The following ZNF609 variants were observed in gnomAD, a reference collection of about 807,000 sequenced individuals.
ZNF609 encodes zinc finger protein 609.
Under a neutral mutation model 109.5 loss-of-function variants are expected in ZNF609, and 11 were observed. The ratio of observed to expected loss-of-function variants is 0.10; its 90% CI spans 0.06 to 0.17. The LOEUF is 0.17. ZNF609 is among the 10% of genes least tolerant of loss of function. The pLI, the probability that ZNF609 is intolerant of heterozygous loss-of-function variation, is 1.00. For synonymous variants in ZNF609, 646 were observed against 662.0 expected (o/e 0.98, Z 0.37); for missense variants, 1,559 against 1,772.4 (o/e 0.88, Z 2.16).
chr15:64,627,808 C>T (rs1033711302), intron 3 of ZNF609, among the ~76,000 whole-genome samples: 10 of 150,790 alleles, frequency 6.6e-5, no homozygotes, highest in African/African-American at 2.4e-4. Context: ...GCTGAGACTA[C>T]AGGCATGTGC....
chr15:64,683,284 G>C lies in ZNF609; in HGVS notation c.*1598G>C, dbSNP rs1158720563. On this transcript the variant is annotated 3_prime_UTR_variant, in exon 10 of 10. Transcript: ENST00000326648. ...GTGACCAGAGTGCCAAAAGTGACTA[G>C]GAGCAGGAACTTGGCTCCGACTCAG... 1 of 152,622 alleles carries C rather than the reference G, an allele frequency of 6.6e-6. No homozygotes were observed. Among genetic ancestry groups the C allele is most frequent in the African/African-American group, 2.4e-5 (1 of 41,442 alleles). 9.5% of individuals were successfully genotyped at this position (152,622 alleles called of 1,614,324 possible).
intron 2 of ZNF609, among the ~76,000 whole-genome samples, chr15:64,527,320 T>C (rs1461758627): frequency 6.6e-6 from 1 of 151,272 alleles, no homozygotes; most frequent in East Asian, 1.9e-4. Flanking sequence ...TTTTTTTTTT[T>C]TTCTTCTGTA....
chr15:64,499,748 C>T lies in ZNF609; in HGVS notation c.329C>T (p.Thr110Ile), dbSNP rs1482255797. The change falls in exon 2 of 10, where the codon ACT (threonine) becomes ATT (isoleucine). Residue 110 changes from threonine to isoleucine, a missense_variant. Thr to Ile is a moderately conservative substitution (Grantham distance 89). Transcript: ENST00000326648. ...CCCACTCCAGGGACTTCCCTGTTCA[C>T]TCCAAGTGAGGGGGCAGCTAGCAAG... is the stretch of plus-strand genomic sequence containing the variant. The part of the protein sequence containing the change: ...SKPTPGTSLF[T>I]PSEGAASKKE... 6.2e-7 allele frequency: 1 copy of T among 1,614,082 alleles called. No homozygotes were observed.
chr15:64,598,909 TA>T (rs1167887047), intron 2 of ZNF609, among the ~76,000 whole-genome samples: 2 of 150,472 alleles, frequency 1.3e-5, no homozygotes, highest in African/African-American at 2.4e-5. Context: ...CAATACTGCA[TA>T]AAAGTCCCTA....
chr15:64,596,543 C>G (rs1302960814), intron 2 of ZNF609, among the ~76,000 whole-genome samples: 1 of 152,172 alleles, frequency 6.6e-6, no homozygotes, highest in Non-Finnish European at 1.5e-5. Flanking sequence ...ATGGCTCCTT[C>G]TCATCTTTTG....
chr15:64,680,582 T>G (rs1896869349), intron 7 of ZNF609, 64 bp from the exon 8 acceptor site: 4 of 1,351,240 alleles, frequency 3.0e-6, no homozygotes, highest in Non-Finnish European at 4.1e-6. Flanking sequence ...TGTGTGTGTG[T>G]GTGTGTGGTT....
intron 2 of ZNF609, among the ~76,000 whole-genome samples, chr15:64,568,090 A>G (rs1012946148): frequency 1.6e-4 from 25 of 152,158 alleles, no homozygotes; most frequent in African/African-American, 5.3e-4. Context: ...TTATCTATAT[A>G]TGTGATTGTA....
intron 3 of ZNF609, among the ~76,000 whole-genome samples, chr15:64,624,974 G>C (rs1015328751): frequency 1.3e-5 from 2 of 151,926 alleles, no homozygotes; most frequent in African/African-American, 4.8e-5. Context: ...TGGCCACGCT[G>C]GTCTTGAACT....
chr15:64,536,961 A>C (rs7170263), intron 2 of ZNF609, among the ~76,000 whole-genome samples: 4 of 140,796 alleles, frequency 2.8e-5, no homozygotes, highest in African/African-American at 1.1e-4. Flanking sequence ...GGTGGCTCAC[A>C]CCTGTAATCC....
At chr15:64,611,952 GTCT>G (rs1895722495) in intron 2 of ZNF609, among the ~76,000 whole-genome samples, 1 of 151,166 alleles carries the variant, frequency 6.6e-6, no homozygotes, top group Non-Finnish European at 1.5e-5. Context: ...GGCCAGGCTG[GTCT>G]TGAACTCCTC....
intron 2 of ZNF609, among the ~76,000 whole-genome samples, chr15:64,572,430 C>G (rs1894873369): frequency 6.6e-6 from 1 of 151,658 alleles, no homozygotes; most frequent in African/African-American, 2.4e-5. Context: ...GAGATTGATC[C>G]CTGTTTTATT....
chr15:64,608,726 T>C (rs1895654125), intron 2 of ZNF609, among the ~76,000 whole-genome samples: 1 of 133,978 alleles, frequency 7.5e-6, no homozygotes, highest in Non-Finnish European at 1.7e-5. Flanking sequence ...CATGCATGCG[T>C]GTGTGTGTGT....
chr15:64,662,995 T>G (rs1006461543), intron 3 of ZNF609, among the ~76,000 whole-genome samples: 2 of 152,122 alleles, frequency 1.3e-5, no homozygotes, highest in African/African-American at 2.4e-5. Flanking sequence ...TGTGTTTTTT[T>G]GGGAATAGGT....
chr15:64,653,336 C>A (rs915067577), intron 3 of ZNF609, among the ~76,000 whole-genome samples: 6 of 152,022 alleles, frequency 3.9e-5, no homozygotes, highest in African/African-American at 1.4e-4. Context: ...TTGTCCCCCT[C>A]ATTCTAGATT....
intron 6 of ZNF609, among the ~76,000 whole-genome samples, chr15:64,679,734 C>T (rs1896855487): frequency 6.6e-6 from 1 of 152,154 alleles, no homozygotes; most frequent in Non-Finnish European, 1.5e-5. Flanking sequence ...TTTAATCCTC[C>T]CTATCACCTT....
At chr15:64,531,252 C>A (rs1206278858) in intron 2 of ZNF609, among the ~76,000 whole-genome samples, 1 of 152,122 alleles carries the variant, frequency 6.6e-6, no homozygotes, top group Non-Finnish European at 1.5e-5. Flanking sequence ...GACCTGGTCC[C>A]TAATTTTGGC....
intron 2 of ZNF609, among the ~76,000 whole-genome samples, chr15:64,590,226 G>A (rs1235795680): frequency 1.3e-5 from 2 of 152,076 alleles, no homozygotes; most frequent in African/African-American, 2.4e-5. Context: ...TGAAGTTTTT[G>A]GGTCGGAACT....
At chr15:64,627,668 T>TTC (rs1230813528) in intron 3 of ZNF609, among the ~76,000 whole-genome samples, 1 of 136,042 alleles carries the variant, frequency 7.4e-6, no homozygotes, top group Non-Finnish European at 1.6e-5. Context: ...TCTTTCTTTT[T>TTC]TTTTTTTTTT....
intron 5 of ZNF609, among the ~76,000 whole-genome samples, chr15:64,676,501 G>C (rs1001815420): frequency 1.3e-5 from 2 of 152,084 alleles, no homozygotes; most frequent in Admixed American, 1.3e-4. Flanking sequence ...TGCAATCTTG[G>C]CTCACTACAA....
Sources: allele counts gnomAD v4.1 joint callset (sites outside exome capture counted in the v4.1 genomes callset), GRCh38; gene constraint gnomAD v4.1.1; transcripts MANE v1.5; gene names NCBI Gene and HGNC (gene_info 2026-07-23, HGNC 2026-07-21).